Variants in TBC1D5 observed in about 807,000 individuals in gnomAD.
The protein encoded by TBC1D5 is TBC1 domain family member 5.
Under a neutral mutation model 100.3 loss-of-function variants are expected in TBC1D5, and 75 were observed. The ratio of observed to expected loss-of-function variants is 0.75; its 90% CI spans 0.62 to 0.91. TBC1D5 has a LOEUF of 0.91. Among genes scored for constraint, TBC1D5 ranks in the 40% least tolerant of loss-of-function variants. The pLI, the probability that TBC1D5 is intolerant of heterozygous loss-of-function variation, is 0.00. For synonymous variants in TBC1D5, 323 were observed against 325.6 expected, an observed-to-expected ratio of 0.99 and a Z score of 0.09; for missense variants, 910 against 942.4, an observed-to-expected ratio of 0.97 and a Z score of 0.45.
chr3:17,441,754 T>A (rs943442083), intron 3 of TBC1D5, among the ~76,000 whole-genome samples: 1 of 152,252 alleles, frequency 6.6e-6, no homozygotes, highest in Non-Finnish European at 1.5e-5. Context: ...GGTAAAAGTA[T>A]TTTATTTCAT....
chr3:17,443,456 A>T (rs1311158385), intron 3 of TBC1D5, among the ~76,000 whole-genome samples: 2 of 152,224 alleles, frequency 1.3e-5, no homozygotes, highest in Non-Finnish European at 2.9e-5. Flanking sequence ...AACCAATGAG[A>T]ATTCCTATCA....
At chr3:17,290,037 T>C (rs2081564332) in intron 15 of TBC1D5, among the ~76,000 whole-genome samples, 2 of 152,244 alleles carry the variant, frequency 1.3e-5, no homozygotes, top group South Asian at 2.1e-4. Flanking sequence ...CATCATTCCA[T>C]GAACTTATTC....
At chr3:17,386,350 T>C (rs994079770) in intron 8 of TBC1D5, among the ~76,000 whole-genome samples, 6 of 152,104 alleles carry the variant, frequency 3.9e-5, no homozygotes, top group African/African-American at 1.4e-4. Flanking sequence ...AAGAAAGTAC[T>C]AAAAACTACT....
intron 1 of TBC1D5, among the ~76,000 whole-genome samples, chr3:17,634,788 G>A (rs1044590885): frequency 5.3e-5 from 8 of 151,972 alleles, no homozygotes; most frequent in South Asian, 2.1e-4. Flanking sequence ...CCCAATTTCC[G>A]TGATGTGATT....
At chr3:17,340,649 A>T (rs1312973903) in intron 13 of TBC1D5, 1 of 152,206 alleles carries the variant, frequency 6.6e-6, no homozygotes, top group African/African-American at 2.4e-5. Flanking sequence ...TAGGAAACTG[A>T]CTTACAAGTG....
chr3:17,239,916 T>C (rs565303669), intron 16 of TBC1D5, among the ~76,000 whole-genome samples: 4 of 152,358 alleles, frequency 2.6e-5, no homozygotes, highest in East Asian at 3.9e-4. Flanking sequence ...AAATCATTAA[T>C]AGAAATGAAA....
Position 17,673,311 on chromosome 3 carries a change from C to CTTTT in TBC1D5, c.-100-49402_-100-49399dup, listed in dbSNP as rs374496313. ...TATTTTCTGTACTTTCTTTTCTTTT[C>CTTTT]TTTTTTTTTTTTTTTTTGAGACAGG... is the stretch of plus-strand genomic sequence containing the variant. On this transcript the variant is annotated intron_variant, in intron 1 of 21. Coordinates refer to ENST00000253692, the Ensembl canonical transcript of TBC1D5. 1.7e-4 allele frequency among the ~76,000 whole-genome samples: 21 copies of CTTTT among 125,974 alleles called. 1 individual carries two copies. Among genetic ancestry groups the CTTTT allele is most frequent in the East Asian group, 4.7e-4 (2 of 4,300 alleles). The allele number at this position is 125,974 out of a possible 152,430, so 82.6% of individuals were successfully genotyped here.
At chr3:17,479,321 T>C (rs1365522533) in intron 3 of TBC1D5, among the ~76,000 whole-genome samples, 2 of 152,174 alleles carry the variant, frequency 1.3e-5, no homozygotes, top group East Asian at 1.9e-4. Context: ...GAAGATCACT[T>C]GAGCCCAGAA....
intron 16 of TBC1D5, among the ~76,000 whole-genome samples, chr3:17,250,390 C>A (rs2149281110): frequency 6.6e-6 from 1 of 152,320 alleles, no homozygotes; most frequent in East Asian, 1.9e-4. Context: ...CCATTCAGAG[C>A]CCTTTGGTGA....
chr3:17,705,461 G>A (rs2073993046), intron 1 of TBC1D5, among the ~76,000 whole-genome samples: 2 of 149,736 alleles, frequency 1.3e-5, no homozygotes, highest in South Asian at 2.2e-4. Flanking sequence ...CGGGGCAGCT[G>A]TCGGGCGGAG....
chr3:17,165,846 G>A (rs1455701918), intron 21 of TBC1D5, among the ~76,000 whole-genome samples: 2 of 152,284 alleles, frequency 1.3e-5, no homozygotes, highest in East Asian at 3.9e-4. Flanking sequence ...AGGGCAACAT[G>A]GTGGGACTGA....
chr3:17,673,473 G>T lies in TBC1D5; in HGVS notation c.-100-49560C>A, dbSNP rs797006937. On this transcript the variant is annotated intron_variant, in intron 1 of 21. Coordinates refer to ENST00000253692, the Ensembl canonical transcript of TBC1D5. Reference sequence around the variant, plus strand: ...CTACAGGCATGTGCCACCATGCCCAGATAATGTTTGTATTTTTTTTTTTGC... The same window carrying T: ...CTACAGGCATGTGCCACCATGCCCATATAATGTTTGTATTTTTTTTTTTGC... 4.3e-5 allele frequency among the ~76,000 whole-genome samples: 6 copies of T among 138,898 alleles called. No homozygotes were observed. In the East Asian group the frequency reaches 1.3e-3, roughly 30 times the overall value. 91.1% of individuals were successfully genotyped at this position (138,898 alleles called of 152,430 possible).
intron 3 of TBC1D5, among the ~76,000 whole-genome samples, chr3:17,462,327 T>TC (rs1167244451): frequency 6.7e-6 from 1 of 150,132 alleles, no homozygotes; most frequent in Non-Finnish European, 1.5e-5. Flanking sequence ...CCTTAATTTT[T>TC]TTTTTTTTTT....
At chr3:17,165,922 C>T (rs961357592) in intron 21 of TBC1D5, among the ~76,000 whole-genome samples, 7 of 152,150 alleles carry the variant, frequency 4.6e-5, no homozygotes, top group East Asian at 1.9e-4. Context: ...CCTCTGGCTT[C>T]GGAGCCTGTA....
At chr3:17,279,806 T>G (rs2080383697) in intron 15 of TBC1D5, among the ~76,000 whole-genome samples, 2 of 152,250 alleles carry the variant, frequency 1.3e-5, no homozygotes, top group South Asian at 4.1e-4. Flanking sequence ...TCTGGGAATC[T>G]GTATTTTTAA....
chr3:17,222,734 A>G (rs985491571), intron 17 of TBC1D5, among the ~76,000 whole-genome samples: 3 of 151,324 alleles, frequency 2.0e-5, no homozygotes, highest in African/African-American at 7.3e-5. Flanking sequence ...CATCCTGCTT[A>G]TGGGATTTTT....
chr3:17,199,041 T>C (rs2071102350), intron 18 of TBC1D5, among the ~76,000 whole-genome samples: 2 of 152,224 alleles, frequency 1.3e-5, no homozygotes, highest in African/African-American at 4.8e-5. Flanking sequence ...AGACAGTCTC[T>C]AGAGTGAAAC....
chr3:17,359,800 C>T (rs1189357193), intron 13 of TBC1D5, among the ~76,000 whole-genome samples: 2 of 151,818 alleles, frequency 1.3e-5, no homozygotes, highest in Non-Finnish European at 2.9e-5. Flanking sequence ...CTTATTAGAG[C>T]AATTAGCTCT....
intron 2 of TBC1D5, among the ~76,000 whole-genome samples, chr3:17,532,248 C>G (rs1331835714): frequency 2.0e-5 from 3 of 152,216 alleles, no homozygotes; most frequent in Non-Finnish European, 4.4e-5. Flanking sequence ...CTCATCATCA[C>G]TGGCCATCAG....
Sources: gnomAD v4.1 joint callset for allele counts (sites outside exome capture counted in the v4.1 genomes callset) on GRCh38, gnomAD v4.1.1 for gene constraint, MANE v1.5 for transcripts, NCBI Gene and HGNC (gene_info 2026-07-23, HGNC 2026-07-21) for gene names.